Variants in AGTPBP1 observed in about 807,000 individuals in gnomAD.
The protein encoded by AGTPBP1 is ATP/GTP binding carboxypeptidase 1.
In AGTPBP1, 70 loss-of-function variants were observed where a neutral mutation model predicts 143.9. The observed-to-expected ratio is 0.49, with a 90% CI of 0.40 to 0.59. AGTPBP1 has a LOEUF of 0.59. Among genes scored for constraint, AGTPBP1 ranks in the 20% least tolerant of loss-of-function variants. The probability of loss-of-function intolerance (pLI) is 0.00; values close to 1 mark genes in which losing one functional copy is unlikely to be tolerated. For synonymous variants in AGTPBP1, 463 were observed against 500.2 expected, an observed-to-expected ratio of 0.93 and a Z score of 0.99; for missense variants, 1,229 against 1,464.5, an observed-to-expected ratio of 0.84 and a Z score of 2.62.
At chr9:85,663,955 G>A (rs1833987492) in intron 8 of AGTPBP1, among the ~76,000 whole-genome samples, 2 of 152,134 alleles carry the variant, frequency 1.3e-5, no homozygotes, top group African/African-American at 4.8e-5. Flanking sequence ...CCATATAACT[G>A]TGACTACTAC....
intron 17 of AGTPBP1, among the ~76,000 whole-genome samples, chr9:85,601,926 T>G (rs1159229385): frequency 6.6e-6 from 1 of 152,122 alleles, no homozygotes; most frequent in Non-Finnish European, 1.5e-5. Context: ...GGGGCCACAT[T>G]ACTGCATCCA....
At chr9:85,672,482 G>A (rs1355177295) in intron 7 of AGTPBP1, 68 bp downstream of exon 7, 23 of 1,509,008 alleles carry the variant, frequency 1.5e-5, no homozygotes, top group African/African-American at 4.2e-5. Context: ...ACAGAATCAG[G>A]ATACTTTAAA....
chr9:85,636,895 A>G (rs1392178875), intron 13 of AGTPBP1, among the ~76,000 whole-genome samples: 1 of 152,180 alleles, frequency 6.6e-6, no homozygotes, highest in Non-Finnish European at 1.5e-5. Context: ...TAGGAACTGT[A>G]GCATTAAAGC....
At chr9:85,785,304 A>C in the AGTPBP1 span, among the ~76,000 whole-genome samples, 1 of 152,200 alleles carries the variant, frequency 6.6e-6, no homozygotes, top group Non-Finnish European at 1.5e-5. Flanking sequence ...ACTGCACTCC[A>C]ACCTGGGCGA....
rs60915473 is a variant in AGTPBP1, at chr9:85,639,367, GCACACACACA to G, written c.1302+3450_1302+3459del. Among the ~76,000 whole-genome samples the G allele has an allele frequency of 2.6e-4, 38 of 147,330 alleles. 1 individual carries two copies. Among genetic ancestry groups the G allele is most frequent in the South Asian group, 1.9e-3 (9 of 4,662 alleles). On this transcript the variant is annotated intron_variant, in intron 13 of 25. Coordinates refer to ENST00000357081, the MANE Select transcript of AGTPBP1 (RefSeq NM_001330701.2). ...TACACACACCCATGCGCGCGCACGC[GCACACACACA>G]CACACACACACACACACACACATAT... is the stretch of plus-strand genomic sequence containing the variant.
At chr9:85,619,683 A>G (rs1487357537) in intron 15 of AGTPBP1, among the ~76,000 whole-genome samples, 2 of 152,258 alleles carry the variant, frequency 1.3e-5, no homozygotes, top group Non-Finnish European at 2.9e-5. Flanking sequence ...CAATTTGAAG[A>G]GCTAAATTAC....
At chr9:85,712,604 C>A in intron 1 of AGTPBP1, 38 bp from the exon 2 acceptor site, 1 of 1,086,890 alleles carries the variant, frequency 9.2e-7, no homozygotes, top group Non-Finnish European at 1.3e-6. Context: ...AAACTTATAA[C>A]TCTTTTTTCT....
At chr9:85,608,617 G>A (rs1830126570) in intron 17 of AGTPBP1, among the ~76,000 whole-genome samples, 2 of 151,116 alleles carry the variant, frequency 1.3e-5, no homozygotes, top group Non-Finnish European at 2.9e-5. Flanking sequence ...CAAATTTTAA[G>A]CAAAGATATC....
rs192607107 is a variant in AGTPBP1 at position 85,716,948 on chromosome 9, T to C, written c.-33-4382A>G. Among the ~76,000 whole-genome samples, 17 of 152,306 alleles carry C rather than the reference T, an allele frequency of 1.1e-4. No homozygotes were observed. The East Asian group carries it at 3.3e-3, about 29-fold the overall frequency. Reference sequence around the variant, plus strand: ...GATGCACTGGCTGGGCCTCCATGTTTTCCTCCAACATGCCAGGCTCTCACT... The same window carrying C: ...GATGCACTGGCTGGGCCTCCATGTTCTCCTCCAACATGCCAGGCTCTCACT... On this transcript the variant is annotated intron_variant, in intron 1 of 25. Coordinates refer to ENST00000357081, the MANE Select transcript of AGTPBP1 (RefSeq NM_001330701.2).
chr9:85,619,807 A>G lies in AGTPBP1; in HGVS notation c.2100-506T>C, dbSNP rs1830808363. 1.3e-5 allele frequency among the ~76,000 whole-genome samples: 2 copies of G among 152,136 alleles called. 1 individual carries two copies. Among genetic ancestry groups the G allele is most frequent in the South Asian group, 4.1e-4 (2 of 4,822 alleles). On this transcript the variant is annotated intron_variant, in intron 15 of 25. Coordinates refer to ENST00000357081, the MANE Select transcript of AGTPBP1 (RefSeq NM_001330701.2). ...AGGTGCCAGATACTGTTTGAGACAT[A>G]TGTCTGCTTGGTTCCCCGACTGAAT...
intron 12 of AGTPBP1, among the ~76,000 whole-genome samples, chr9:85,643,398 G>A (rs1207668622): frequency 6.6e-6 from 1 of 152,142 alleles, no homozygotes; most frequent in Non-Finnish European, 1.5e-5. Flanking sequence ...AATGAGGTAC[G>A]GAGAAGTTAA....
intron 25 of AGTPBP1, among the ~76,000 whole-genome samples, chr9:85,572,452 A>G (rs1827565835): frequency 6.6e-6 from 1 of 152,220 alleles, no homozygotes; most frequent in African/African-American, 2.4e-5. Context: ...ATACTTTTAA[A>G]TATATAAAAC....
At chr9:85,655,513 T>C (rs1833441465) in intron 10 of AGTPBP1, among the ~76,000 whole-genome samples, 193 bp from the exon 11 acceptor site, 1 of 152,098 alleles carries the variant, frequency 6.6e-6, no homozygotes, top group Non-Finnish European at 1.5e-5. Flanking sequence ...AAGAACCCCA[T>C]GTGGCAAATT....
At chr9:85,770,551 A>C in the AGTPBP1 span, 1 of 845,482 alleles carries the variant, frequency 1.2e-6, no homozygotes, top group Non-Finnish European at 1.9e-6. Flanking sequence ...CATACATCCT[A>C]TATTTATTTT....
chr9:85,763,274 G>C, the AGTPBP1 span, among the ~76,000 whole-genome samples: 1 of 151,912 alleles, frequency 6.6e-6, no homozygotes, highest in African/African-American at 2.4e-5. Flanking sequence ...GAAAAAGGAA[G>C]ACTCAGGATT....
intron 17 of AGTPBP1, among the ~76,000 whole-genome samples, chr9:85,615,956 A>G (rs1449123268): frequency 2.6e-5 from 4 of 151,942 alleles, no homozygotes. Flanking sequence ...TCTTAAAACT[A>G]TGTTTCACAG....
intron 7 of AGTPBP1, among the ~76,000 whole-genome samples, chr9:85,669,993 G>C (rs1834386629): frequency 6.6e-6 from 1 of 152,116 alleles, no homozygotes; most frequent in Non-Finnish European, 1.5e-5. Context: ...TTTCAAAATA[G>C]ATCAAGAGTT....
chr9:85,741,529 G>A, intron 1 of AGTPBP1: 1 of 985,410 alleles, frequency 1.0e-6, no homozygotes, highest in Non-Finnish European at 1.2e-6. Context: ...CGAGGGTCCG[G>A]GGACTGGGGA....
chr9:85,769,520 CAAAA>C, the AGTPBP1 span, among the ~76,000 whole-genome samples: 1 of 60,882 alleles, frequency 1.6e-5, no homozygotes. Context: ...ACCCTGTGTC[CAAAA>C]AAAAAAAAAA....
Sources: allele counts gnomAD v4.1 joint callset (sites outside exome capture counted in the v4.1 genomes callset), GRCh38; gene constraint gnomAD v4.1.1; transcripts MANE v1.5; gene names NCBI Gene and HGNC (gene_info 2026-07-23, HGNC 2026-07-21).